Variants in MARCHF1 observed in about 807,000 individuals in gnomAD.
The protein encoded by MARCHF1 is membrane associated ring-CH-type finger 1.
In MARCHF1, 40 loss-of-function variants were observed where a neutral mutation model predicts 54.2. The observed-to-expected ratio is 0.74, with a 90% CI of 0.57 to 0.96. The LOEUF (loss-of-function observed/expected upper bound fraction) is 0.96. Among genes scored for constraint, MARCHF1 ranks in the 40% least tolerant of loss-of-function variants. MARCHF1 has a pLI of 0.00. For synonymous variants in MARCHF1, 236 were observed against 236.3 expected (o/e 1.00, Z 0.01); for missense variants, 586 against 656.5 (o/e 0.89, Z 1.17).
chr4:163,880,256 T>C (rs1424623987), intron 3 of MARCHF1, among the ~76,000 whole-genome samples: 2 of 149,084 alleles, frequency 1.3e-5, no homozygotes, highest in Non-Finnish European at 3.0e-5. Flanking sequence ...AAAAATACTT[T>C]TATTTTTATA....
chr4:164,202,403 G>A (rs2111092028), intron 1 of MARCHF1, among the ~76,000 whole-genome samples: 1 of 152,296 alleles, frequency 6.6e-6, no homozygotes, highest in Non-Finnish European at 1.5e-5. Context: ...CGTGAAATAT[G>A]GTTGCAGAGG....
intron 1 of MARCHF1, among the ~76,000 whole-genome samples, chr4:164,360,112 T>G (rs1298019034): frequency 1.3e-5 from 2 of 152,040 alleles, no homozygotes; most frequent in African/African-American, 4.8e-5. Context: ...CCTTGTGTAA[T>G]CGTTAACAAG....
At chr4:163,586,763 G>A (rs1740426397) in intron 7 of MARCHF1, among the ~76,000 whole-genome samples, 1 of 152,062 alleles carries the variant, frequency 6.6e-6, no homozygotes, top group Non-Finnish European at 1.5e-5. Context: ...ACTTTATTGT[G>A]TTACTTTGAT....
intron 2 of MARCHF1, among the ~76,000 whole-genome samples, chr4:164,027,392 A>AAAAAAAAAAAAAAAAGAAAAAT (rs1553971149): frequency 1.7e-5 from 1 of 58,982 alleles, no homozygotes; most frequent in African/African-American, 5.4e-5. Flanking sequence ...AAAAAAAAAA[A>AAAAAAAAAAAAAAAAGAAAAAT]AGATACATAG....
At chr4:163,818,570 C>T (rs1454902451) in intron 4 of MARCHF1, among the ~76,000 whole-genome samples, 1 of 152,018 alleles carries the variant, frequency 6.6e-6, no homozygotes, top group East Asian at 1.9e-4. Flanking sequence ...TTATCATTCC[C>T]ACGTTGCTCT....
At chr4:163,957,544 A>G (rs975900799) in intron 3 of MARCHF1, among the ~76,000 whole-genome samples, 1 of 152,034 alleles carries the variant, frequency 6.6e-6, no homozygotes, top group African/African-American at 2.4e-5. Context: ...GAAGAAGGGA[A>G]GTGAGATATC....
intron 2 of MARCHF1, among the ~76,000 whole-genome samples, chr4:164,066,080 C>A (rs1246012058): frequency 6.6e-6 from 1 of 152,138 alleles, no homozygotes; most frequent in Admixed American, 6.5e-5. Context: ...TCTAGGCACC[C>A]TTCAACCAGT....
chr4:163,682,539 A>G (rs1202473060), intron 5 of MARCHF1, among the ~76,000 whole-genome samples: 3 of 152,182 alleles, frequency 2.0e-5, no homozygotes, highest in African/African-American at 7.2e-5. Flanking sequence ...GGTGCCCTGC[A>G]TTCCAGCTGC....
chr4:163,887,161 T>C (rs1750555799), intron 3 of MARCHF1, among the ~76,000 whole-genome samples: 1 of 152,086 alleles, frequency 6.6e-6, no homozygotes, highest in South Asian at 2.1e-4. Flanking sequence ...TAAATAAAAA[T>C]ATTACACATT....
intron 4 of MARCHF1, among the ~76,000 whole-genome samples, chr4:163,725,315 A>C (rs543354211): frequency 6.6e-6 from 1 of 152,162 alleles, no homozygotes; most frequent in African/African-American, 2.4e-5. Flanking sequence ...ATCTCCACAA[A>C]AAATACAAAA....
intron 1 of MARCHF1, among the ~76,000 whole-genome samples, chr4:164,322,018 A>G (rs564407259): frequency 6.6e-6 from 1 of 152,194 alleles, no homozygotes; most frequent in South Asian, 2.1e-4. Flanking sequence ...CGAAGGAAAT[A>G]TAGAGTCAAA....
At chr4:163,955,142 G>A (rs139959640) in intron 3 of MARCHF1, among the ~76,000 whole-genome samples, 3 of 150,316 alleles carry the variant, frequency 2.0e-5, no homozygotes, top group Admixed American at 2.0e-4. Context: ...TTTTGGGGAG[G>A]GATAACTTCT....
intron 2 of MARCHF1, among the ~76,000 whole-genome samples, chr4:164,002,116 A>C (rs1753196984): frequency 1.3e-5 from 2 of 151,746 alleles, no homozygotes; most frequent in Admixed American, 1.3e-4. Flanking sequence ...TTACCAAAAC[A>C]ACTTACACTT....
intron 3 of MARCHF1, among the ~76,000 whole-genome samples, chr4:163,884,073 T>G (rs34934322): frequency 0.4 from 60,990 of 151,938 alleles, 13,336 homozygotes; most frequent in Middle Eastern, 0.56. Context: ...GCTTTATAAA[T>G]TGTGTCTGGA....
At chr4:164,193,376 CCGAGAAGTTGATTTG>C (rs981554693) in intron 1 of MARCHF1, among the ~76,000 whole-genome samples, 7 of 151,936 alleles carry the variant, frequency 4.6e-5, no homozygotes, top group Non-Finnish European at 5.9e-5. Context: ...TTCTCAGGAG[CCGAGAAGTTGATTTG>C]CGAGCTATGC....
chr4:164,253,381 C>T (rs1165857147), intron 1 of MARCHF1, among the ~76,000 whole-genome samples: 1 of 152,050 alleles, frequency 6.6e-6, no homozygotes, highest in Non-Finnish European at 1.5e-5. Flanking sequence ...AGTAGAAAAC[C>T]TTCAGAAGGA....
At chr4:164,319,933 C>A (rs866663872) in intron 1 of MARCHF1, among the ~76,000 whole-genome samples, 1 of 152,046 alleles carries the variant, frequency 6.6e-6, no homozygotes, top group African/African-American at 2.4e-5. Context: ...TAAGCCCAAG[C>A]AGTTTATGGT....
chr4:163,724,787 G>A (rs942205867), intron 4 of MARCHF1, among the ~76,000 whole-genome samples: 3 of 152,160 alleles, frequency 2.0e-5, no homozygotes, highest in Non-Finnish European at 2.9e-5. Context: ...GAGAATCCGC[G>A]GGCGTGGGAC....
chr4:164,174,493 G>A (rs1388915092), intron 1 of MARCHF1, among the ~76,000 whole-genome samples: 1 of 152,160 alleles, frequency 6.6e-6, no homozygotes, highest in Non-Finnish European at 1.5e-5. Flanking sequence ...AAGGACTGCA[G>A]GGTGATTGTG....
Sources: allele counts gnomAD v4.1 joint callset (sites outside exome capture counted in the v4.1 genomes callset), GRCh38; gene constraint gnomAD v4.1.1; transcripts MANE v1.5; gene names NCBI Gene and HGNC (gene_info 2026-07-23, HGNC 2026-07-21).